Variants in MACROD2 observed in about 807,000 individuals in gnomAD.
MACROD2 encodes ADP-ribose glycohydrolase MACROD2.
MACROD2 carries 36 observed loss-of-function variants against 70.4 expected under a neutral mutation model. The observed-to-expected ratio is 0.51, with a 90% CI of 0.39 to 0.68. The LOEUF (loss-of-function observed/expected upper bound fraction) is 0.68, where lower values mean the gene tolerates loss of function less well. Ranked by LOEUF, MACROD2 falls within the 30% of genes least tolerant of loss-of-function variation. The pLI is 0.00. For missense variants in MACROD2, 496 were observed against 538.4 expected (o/e 0.92, Z 0.78); for synonymous variants, 172 against 178.8 (o/e 0.96, Z 0.30).
intron 8 of MACROD2, among the ~76,000 whole-genome samples, chr20:15,575,277 G>T (rs2048430581): frequency 6.6e-6 from 1 of 152,112 alleles, no homozygotes; most frequent in African/African-American, 2.4e-5. Flanking sequence ...AAATGCATTT[G>T]AAGCTGTCTG....
chr20:15,377,649 C>T (rs1416233676), intron 6 of MACROD2, among the ~76,000 whole-genome samples: 1 of 152,152 alleles, frequency 6.6e-6, no homozygotes, highest in Non-Finnish European at 1.5e-5. Flanking sequence ...GTACTTTGTC[C>T]TCCTGGGTAA....
chr20:14,965,691 A>G (rs897872020), intron 5 of MACROD2, among the ~76,000 whole-genome samples: 2 of 150,290 alleles, frequency 1.3e-5, no homozygotes, highest in African/African-American at 4.9e-5. Flanking sequence ...GATGGTCTCG[A>G]TCTCCTGACC....
intron 12 of MACROD2, among the ~76,000 whole-genome samples, chr20:15,952,614 G>A (rs562882005): frequency 1.3e-5 from 2 of 152,124 alleles, no homozygotes; most frequent in East Asian, 1.9e-4. Flanking sequence ...CCTTTCGCAC[G>A]TACATCTCCC....
At chr20:14,799,055 C>T (rs2072543411) in intron 5 of MACROD2, among the ~76,000 whole-genome samples, 1 of 151,780 alleles carries the variant, frequency 6.6e-6, no homozygotes, top group South Asian at 2.1e-4. Context: ...TAACATTCTT[C>T]CTAACATACA....
chr20:14,960,672 G>A (rs539812546), intron 5 of MACROD2, among the ~76,000 whole-genome samples: 7 of 152,128 alleles, frequency 4.6e-5, no homozygotes, highest in East Asian at 3.9e-4. Flanking sequence ...CTCTGCTAAC[G>A]AATTCAGGGG....
intron 5 of MACROD2, among the ~76,000 whole-genome samples, chr20:15,178,340 T>A (rs537945003): frequency 6.6e-6 from 1 of 152,328 alleles, no homozygotes; most frequent in East Asian, 1.9e-4. Context: ...GCTACCACTC[T>A]GTAAGTGCAT....
chr20:15,573,588 A>G (rs1429377406), intron 8 of MACROD2, among the ~76,000 whole-genome samples: 1 of 152,200 alleles, frequency 6.6e-6, no homozygotes, highest in Non-Finnish European at 1.5e-5. Context: ...ACTCAGCCAG[A>G]TAAACAATTC....
Position 14,126,133 on chromosome 20 carries a change from AC to A in MACROD2, c.271+40406del, listed in dbSNP as rs558116042. ...ATAGATGGGGTGACTTAAAAAGAAA[AC>A]TTTATTTTCTCACAGTTCTGAAGGG... is the stretch of plus-strand genomic sequence containing the variant. On this transcript the variant is annotated intron_variant, in intron 3 of 17. Transcript: ENST00000684519. Among the ~76,000 whole-genome samples, 20 of 152,252 alleles carry A rather than the reference AC, an allele frequency of 1.3e-4. No individual in the cohort carries two copies. The South Asian group carries it at 3.5e-3, about 27-fold the overall frequency.
chr20:15,162,038 G>GAAATA (rs5840658), intron 5 of MACROD2, among the ~76,000 whole-genome samples: 77,567 of 151,148 alleles, frequency 0.51, 19,949 homozygotes, highest in East Asian at 0.56. Context: ...AACCATCTTA[G>GAAATA]AAATAAAGAA....
At chr20:14,003,564 T>C in intron 2 of MACROD2, 1 of 376,208 alleles carries the variant, frequency 2.7e-6, no homozygotes, top group South Asian at 2.7e-5. Flanking sequence ...CTGATAAGAT[T>C]GGCCTTAAGA....
At chr20:15,122,632 A>C (rs2076038813) in intron 5 of MACROD2, among the ~76,000 whole-genome samples, 1 of 152,102 alleles carries the variant, frequency 6.6e-6, no homozygotes, top group Non-Finnish European at 1.5e-5. Flanking sequence ...TCATTATTTT[A>C]CTCAGATTTT....
intron 3 of MACROD2, among the ~76,000 whole-genome samples, chr20:14,486,469 G>C (rs912717809): frequency 1.8e-4 from 27 of 150,464 alleles, no homozygotes; most frequent in African/African-American, 6.1e-4. Context: ...ATAGAGAATG[G>C]GTTTTGAGGA....
intron 7 of MACROD2, among the ~76,000 whole-genome samples, chr20:15,473,423 C>A (rs2046984438): frequency 6.6e-6 from 1 of 152,204 alleles, no homozygotes; most frequent in Non-Finnish European, 1.5e-5. Context: ...GTTTTAAAAT[C>A]TGTCCACCAG....
chr20:14,600,600 A>T (rs1982433936), intron 4 of MACROD2, among the ~76,000 whole-genome samples: 1 of 152,134 alleles, frequency 6.6e-6, no homozygotes, highest in African/African-American at 2.4e-5. Flanking sequence ...AAGACATTGT[A>T]TTATTTTCAT....
At chr20:14,895,869 A>G (rs1471515704) in intron 5 of MACROD2, among the ~76,000 whole-genome samples, 1 of 152,200 alleles carries the variant, frequency 6.6e-6, no homozygotes, top group African/African-American at 2.4e-5. Context: ...TGGATGACAA[A>G]GGAAGAAAGT....
intron 5 of MACROD2, among the ~76,000 whole-genome samples, chr20:15,161,000 C>T (rs2076344424): frequency 6.6e-6 from 1 of 152,060 alleles, no homozygotes; most frequent in Non-Finnish European, 1.5e-5. Context: ...TGTGCATGCA[C>T]ACTGTTATAC....
At chr20:15,178,572 C>G (rs996171328) in intron 5 of MACROD2, among the ~76,000 whole-genome samples, 2 of 152,198 alleles carry the variant, frequency 1.3e-5, no homozygotes, top group South Asian at 2.1e-4. Flanking sequence ...GATGCTTTCT[C>G]TCTTTTAACC....
intron 3 of MACROD2, among the ~76,000 whole-genome samples, chr20:14,142,610 G>A (rs923584204): frequency 6.6e-6 from 1 of 152,138 alleles, no homozygotes; most frequent in African/African-American, 2.4e-5. Flanking sequence ...AAATTAGTAT[G>A]TCACCAAATT....
At chr20:14,652,989 G>A (rs1390685911) in intron 4 of MACROD2, among the ~76,000 whole-genome samples, 1 of 152,088 alleles carries the variant, frequency 6.6e-6, no homozygotes, top group Admixed American at 6.5e-5. Context: ...TCCAGTCTCT[G>A]CCCCATCATT....
Sources: gnomAD v4.1 joint callset for allele counts (sites outside exome capture counted in the v4.1 genomes callset) on GRCh38, gnomAD v4.1.1 for gene constraint, MANE v1.5 for transcripts, NCBI Gene and HGNC (gene_info 2026-07-23, HGNC 2026-07-21) for gene names.